RAPGEF2: variants seen among roughly 807,000 people sequenced by gnomAD.
RAPGEF2 encodes the protein Rap guanine nucleotide exchange factor 2.
Under a neutral mutation model 186.7 loss-of-function variants are expected in RAPGEF2, and 54 were observed. The observed-to-expected ratio is 0.29, with a 90% CI of 0.23 to 0.36. RAPGEF2 has a LOEUF of 0.36. RAPGEF2 is among the 10% of genes least tolerant of loss of function. The pLI, the probability that RAPGEF2 is intolerant of heterozygous loss-of-function variation, is 1.00. For synonymous variants in RAPGEF2, 712 were observed against 705.9 expected (o/e 1.01, Z -0.14); for missense variants, 1,532 against 2,045.0 (o/e 0.75, Z 4.84).
intron 3 of RAPGEF2, among the ~76,000 whole-genome samples, chr4:159,193,823 C>T (rs1561068567): frequency 6.6e-6 from 1 of 152,140 alleles, no homozygotes; most frequent in African/African-American, 2.4e-5. Context: ...CATTTTGTTT[C>T]AATAATGTTT....
At chr4:159,339,078 C>A (rs773949281) in intron 18 of RAPGEF2, 36 bp from the exon 19 acceptor site, 2 of 1,586,244 alleles carry the variant, frequency 1.3e-6, no homozygotes. Flanking sequence ...TATTAAAATT[C>A]TTTCTACTTA....
chr4:159,334,150 A>G (rs1384860762), intron 17 of RAPGEF2, among the ~76,000 whole-genome samples: 2 of 152,238 alleles, frequency 1.3e-5, no homozygotes, highest in African/African-American at 4.8e-5. Flanking sequence ...GGCACCTGGC[A>G]TTTACAGAAA....
At chr4:159,333,465 C>T (rs979863806) in intron 17 of RAPGEF2, among the ~76,000 whole-genome samples, 3 of 152,144 alleles carry the variant, frequency 2.0e-5, no homozygotes, top group African/African-American at 7.2e-5. Flanking sequence ...TTTCCCCTCT[C>T]TCTTCTATTT....
intron 1 of RAPGEF2, among the ~76,000 whole-genome samples, chr4:159,148,757 T>G (rs1743208872): frequency 6.6e-6 from 1 of 152,224 alleles, no homozygotes; most frequent in Non-Finnish European, 1.5e-5. Flanking sequence ...TGCTTATTGG[T>G]TGCATTCTGG....
intron 1 of RAPGEF2, among the ~76,000 whole-genome samples, chr4:159,175,326 A>G (rs541526401): frequency 2.1e-4 from 32 of 152,194 alleles, no homozygotes; most frequent in South Asian, 6.2e-4. Flanking sequence ...ACACTCTGCT[A>G]TGGATTTTTT....
At chr4:159,326,413 A>G (rs528361307) in intron 11 of RAPGEF2, among the ~76,000 whole-genome samples, 1 of 152,374 alleles carries the variant, frequency 6.6e-6, no homozygotes, top group African/African-American at 2.4e-5. Context: ...TTACCAAGAA[A>G]AAACAACTTT....
At chr4:159,163,409 T>C (rs1744929793) in intron 1 of RAPGEF2, among the ~76,000 whole-genome samples, 1 of 151,822 alleles carries the variant, frequency 6.6e-6, no homozygotes, top group African/African-American at 2.4e-5. Context: ...TACTTTGCTT[T>C]TCTGGGGTGG....
intron 7 of RAPGEF2, among the ~76,000 whole-genome samples, chr4:159,270,550 C>A (rs1454376891): frequency 6.6e-6 from 1 of 151,878 alleles, no homozygotes; most frequent in African/African-American, 2.4e-5. Context: ...GGGGTGGGGG[C>A]ATTTTTTTTA....
chr4:159,223,276 C>T (rs542056049), intron 4 of RAPGEF2, among the ~76,000 whole-genome samples: 1 of 151,880 alleles, frequency 6.6e-6, no homozygotes, highest in South Asian at 2.1e-4. Flanking sequence ...ATCTAGTGTT[C>T]GTGTATTTAG....
At chr4:159,205,431 A>G (rs1291617604) in intron 3 of RAPGEF2, among the ~76,000 whole-genome samples, 1 of 152,188 alleles carries the variant, frequency 6.6e-6, no homozygotes, top group Non-Finnish European at 1.5e-5. Context: ...TAAACCCACT[A>G]TATGTTGAAA....
intron 3 of RAPGEF2, among the ~76,000 whole-genome samples, chr4:159,206,638 TGAAGG>T (rs1473795033): frequency 5.3e-5 from 8 of 152,282 alleles, no homozygotes; most frequent in South Asian, 4.1e-4. Context: ...TTGCAGACCT[TGAAGG>T]GAAGCACGTT....
chr4:159,272,128 C>T (rs1758206138), intron 7 of RAPGEF2, among the ~76,000 whole-genome samples: 2 of 152,166 alleles, frequency 1.3e-5, no homozygotes. Flanking sequence ...CCTGTTTCTG[C>T]CCCAGTGAAC....
intron 1 of RAPGEF2, among the ~76,000 whole-genome samples, chr4:159,177,133 T>C (rs1746521917): frequency 6.6e-6 from 1 of 152,102 alleles, no homozygotes; most frequent in Admixed American, 6.6e-5. Context: ...GGTACACTTC[T>C]CTTTAAACCT....
chr4:159,322,533 A>G, intron 10 of RAPGEF2, 50 bp downstream of exon 10: 1 of 1,513,162 alleles, frequency 6.6e-7, no homozygotes, highest in South Asian at 1.2e-5. Flanking sequence ...AAGATATCTC[A>G]ATACAGCAAT....
In RAPGEF2 at chr4:159,241,334, TG is replaced by T; in HGVS notation, c.494del (p.Gly165AlafsTer35). On this transcript the variant is annotated frameshift_variant, in exon 6 of 30. Transcript: ENST00000691494. LOFTEE classifies it high-confidence loss of function. The stretch of plus-strand genomic sequence containing the variant: ...ATTGACACTGTGGATCCTTATCCCA[TG>T]GGCAAACCTCCTTTGCCTAGAGGCT... ...TIIDTVDPYPMGKPPLPRGYH... is the reference protein window; with the variant it reads ...TIIDTVDPYPXGKPPLPRGYH... 6.6e-7 allele frequency: 1 copy of T among 1,521,394 alleles called. No individual in the cohort carries two copies. The highest frequency in any genetic ancestry group is 1.2e-5 in the South Asian group (1 of 81,416). The allele number at this position is 1,521,394 out of a possible 1,614,324, so 94.2% of individuals were successfully genotyped here.
At chr4:159,268,405 G>A (rs921061474) in intron 7 of RAPGEF2, among the ~76,000 whole-genome samples, 2 of 152,078 alleles carry the variant, frequency 1.3e-5, no homozygotes, top group Non-Finnish European at 2.9e-5. Flanking sequence ...AAAATTTGAA[G>A]CAAGACCAGC....
At chr4:159,303,700 A>T (rs1168652171) in intron 7 of RAPGEF2, among the ~76,000 whole-genome samples, 2 of 151,932 alleles carry the variant, frequency 1.3e-5, no homozygotes, top group Admixed American at 6.6e-5. Flanking sequence ...CGTAAGGGAT[A>T]CTTAGTGAAT....
chr4:159,302,346 A>T (rs952548896), intron 7 of RAPGEF2, among the ~76,000 whole-genome samples: 24 of 132,888 alleles, frequency 1.8e-4, no homozygotes, highest in African/African-American at 6.4e-4. Flanking sequence ...TAATTTTTTT[A>T]AAAAATCACA....
At chr4:159,341,353 G>A (rs1729448899) in intron 19 of RAPGEF2, among the ~76,000 whole-genome samples, 1 of 152,318 alleles carries the variant, frequency 6.6e-6, no homozygotes, top group East Asian at 1.9e-4. Flanking sequence ...CATGTGATTT[G>A]TTTGTTTCTA....
Sources: gnomAD v4.1 joint callset for allele counts (sites outside exome capture counted in the v4.1 genomes callset) on GRCh38, gnomAD v4.1.1 for gene constraint, MANE v1.5 for transcripts, NCBI Gene and HGNC (gene_info 2026-07-23, HGNC 2026-07-21) for gene names.